Variants in PDE3B observed in about 807,000 individuals in gnomAD.
PDE3B encodes phosphodiesterase 3B.
A neutral mutation model predicts 116.8 loss-of-function variants in PDE3B; 66 were observed. The observed-to-expected ratio is 0.56, with a 90% CI of 0.46 to 0.69. PDE3B has a LOEUF of 0.69. Among genes scored for constraint, PDE3B ranks in the 30% least tolerant of loss-of-function variants. PDE3B has a pLI of 0.00. For missense variants in PDE3B, 1,384 were observed against 1,368.1 expected (o/e 1.01, Z -0.18); for synonymous variants, 595 against 533.6 (o/e 1.12, Z -1.59).
intron 12 of PDE3B, among the ~76,000 whole-genome samples, chr11:14,845,166 G>A (rs7108484): frequency 0.13 from 19,812 of 151,874 alleles, 1,529 homozygotes; most frequent in African/African-American, 0.2. Flanking sequence ...TCAGACAGCA[G>A]CGTTCACGGT....
At chr11:14,879,114 C>G in the PDE3B span, 6 of 1,612,478 alleles carry the variant, frequency 3.7e-6, no homozygotes, top group South Asian at 6.6e-5. Context: ...GTTCTCTTAC[C>G]TAGGGAAAAA....
chr11:14,656,710 G>A (rs942915937), intron 1 of PDE3B, among the ~76,000 whole-genome samples: 2 of 152,196 alleles, frequency 1.3e-5, no homozygotes, highest in East Asian at 3.8e-4. Flanking sequence ...TAACCTGTAA[G>A]TTCTTGGAAC....
intron 7 of PDE3B, among the ~76,000 whole-genome samples, chr11:14,824,918 T>C (rs945268730): frequency 1.3e-5 from 2 of 151,750 alleles, no homozygotes; most frequent in African/African-American, 4.8e-5. Context: ...CTGATCAGGC[T>C]AACAGTGGAC....
rs779354719 is a variant in PDE3B at position 14,644,242 on chromosome 11, A to G, written c.167A>G (p.Asn56Ser). Residue 56 changes from asparagine (N) to serine (S), a missense_variant, in exon 1 of 16, where the codon AAC (asparagine) becomes AGC (serine). By Grantham distance (46) the Asn-to-Ser change is conservative (BLOSUM62 1). Around this residue, in one of 2 missense-constraint regions of PDE3B, gnomAD observed 956 missense variants for 806.8 expected, o/e 1.18. Coordinates refer to ENST00000282096, the MANE Select transcript of PDE3B (RefSeq NM_000922.4). ...TTCTTCCACCTCTGCCGCTTCTGCA[A>G]CGTGGAGCTGCGGCCGCCGCCGGCC... The part of the protein sequence containing the change: ...GFFFHLCRFC[N>S]VELRPPPASP... 5.6e-5 allele frequency: 88 copies of G among 1,581,164 alleles called. No individual in the cohort carries two copies. The highest frequency in any genetic ancestry group is 6.6e-5 in the Non-Finnish European group (77 of 1,171,108).
chr11:14,769,092 G>A (rs1330259136), intron 1 of PDE3B, among the ~76,000 whole-genome samples: 1 of 151,404 alleles, frequency 6.6e-6, no homozygotes, highest in African/African-American at 2.4e-5. Context: ...CCTAGAGAAA[G>A]TGACTGCAAA....
At chr11:14,877,238 TC>T in the PDE3B span, among the ~76,000 whole-genome samples, 34 of 152,116 alleles carry the variant, frequency 2.2e-4, no homozygotes, top group African/African-American at 8.2e-4. Context: ...CTCTCAAGTG[TC>T]CCAGTTTACA....
intron 12 of PDE3B, among the ~76,000 whole-genome samples, chr11:14,852,358 T>G (rs1847770242): frequency 6.6e-6 from 1 of 152,180 alleles, no homozygotes; most frequent in South Asian, 2.1e-4. Context: ...GCCGGCCTAC[T>G]CTATGTTTTT....
chr11:14,782,909 T>G (rs1279411771), intron 2 of PDE3B, among the ~76,000 whole-genome samples: 1 of 151,912 alleles, frequency 6.6e-6, no homozygotes, highest in Non-Finnish European at 1.5e-5. Context: ...TTAAACAAAT[T>G]TACAAGAAAA....
chr11:14,896,847 A>C, the PDE3B span, among the ~76,000 whole-genome samples: 1 of 152,244 alleles, frequency 6.6e-6, no homozygotes, highest in Non-Finnish European at 1.5e-5. Flanking sequence ...TTTCATAAAC[A>C]TTCTTATATT....
chr11:14,769,572 T>C (rs1002271589), intron 1 of PDE3B, among the ~76,000 whole-genome samples: 2 of 148,658 alleles, frequency 1.3e-5, no homozygotes, highest in Non-Finnish European at 3.0e-5. Flanking sequence ...TCCACCGTAT[T>C]TTGATTACAA....
chr11:14,827,922 A>G (rs1404095264), intron 7 of PDE3B, among the ~76,000 whole-genome samples: 1 of 152,246 alleles, frequency 6.6e-6, no homozygotes, highest in African/African-American at 2.4e-5. Context: ...AGTATACTGC[A>G]GAACTGCAGT....
intron 1 of PDE3B, among the ~76,000 whole-genome samples, chr11:14,743,783 A>G (rs1232710135): frequency 1.3e-5 from 2 of 152,206 alleles, no homozygotes; most frequent in Non-Finnish European, 2.9e-5. Context: ...CTCACGGCAC[A>G]GTCCCTCATG....
chr11:14,823,948 G>A (rs1468721520), intron 7 of PDE3B, among the ~76,000 whole-genome samples: 1 of 152,204 alleles, frequency 6.6e-6, no homozygotes, highest in Admixed American at 6.5e-5. Flanking sequence ...GGGGTGGGTT[G>A]CTATCTTTGC....
chr11:14,821,880 T>C (rs978766527), intron 7 of PDE3B, among the ~76,000 whole-genome samples: 2 of 151,932 alleles, frequency 1.3e-5, no homozygotes, highest in African/African-American at 4.8e-5. Flanking sequence ...TTTCTGAAAC[T>C]CAACTCCAAT....
Position 14,855,868 on chromosome 11 carries a change from G to A in PDE3B, c.2521-3175G>A, listed in dbSNP as rs1256324280. ...AAATAATGAGATTCTCAGATATGCA[G>A]TGATTTTAAACAGTCATATCTTGAC... On this transcript the variant is annotated intron_variant, in intron 12 of 15. Transcript: ENST00000282096. 2.0e-5 allele frequency among the ~76,000 whole-genome samples: 3 copies of A among 152,206 alleles called. No individual in the cohort carries two copies. The East Asian group carries it at 5.8e-4, about 29-fold the overall frequency.
In PDE3B at chr11:14,871,653, T is replaced by G. The variant is rs1051785771; in HGVS notation, c.*1993T>G. 7.9e-5 allele frequency: 12 copies of G among 152,158 alleles called. No homozygotes were observed. Among genetic ancestry groups the G allele is most frequent in the African/African-American group, 2.2e-4 (9 of 41,436 alleles). The allele number at this position is 152,158 out of a possible 1,614,324, so 9.4% of individuals were successfully genotyped here. On this transcript the variant is annotated 3_prime_UTR_variant, in exon 16 of 16. Coordinates refer to ENST00000282096, the MANE Select transcript of PDE3B (RefSeq NM_000922.4). ...TGGACTTATTGGATTTAATTATAAA[T>G]CCAATTACTACTGGAAACTCATTTT... is the stretch of plus-strand genomic sequence containing the variant.
chr11:14,806,133 C>T (rs1858912025), intron 5 of PDE3B, among the ~76,000 whole-genome samples: 1 of 152,146 alleles, frequency 6.6e-6, no homozygotes, highest in African/African-American at 2.4e-5. Flanking sequence ...CCAGCAATCC[C>T]ATTACTGGGT....
chr11:14,779,319 A>G lies in PDE3B; in HGVS notation c.1030-7118A>G, dbSNP rs1442319094. ...TTCAAATTCAGGAAATACAGAGAAC[A>G]CCACAAAGATACTCCTCGAGAAGAG... is the stretch of plus-strand genomic sequence containing the variant. On this transcript the variant is annotated intron_variant, in intron 2 of 15. Transcript: ENST00000282096. Among the ~76,000 whole-genome samples the G allele has an allele frequency of 9.8e-5, 15 of 152,304 alleles. No homozygotes were observed. In the South Asian group the frequency reaches 2.7e-3, roughly 27 times the overall value.
chr11:14,759,334 A>G (rs1433568073), intron 1 of PDE3B, among the ~76,000 whole-genome samples: 3 of 152,170 alleles, frequency 2.0e-5, no homozygotes, highest in Non-Finnish European at 4.4e-5. Flanking sequence ...GAATAGTTTC[A>G]GAAGGAATGG....
Sources: gnomAD v4.1 joint callset for allele counts (sites outside exome capture counted in the v4.1 genomes callset) on GRCh38, gnomAD v4.1.1 for gene constraint, gnomAD v4.1.1 regional missense constraint, MANE v1.5 for transcripts, NCBI Gene and HGNC (gene_info 2026-07-23, HGNC 2026-07-21) for gene names.